RBBP8: variants seen among roughly 807,000 people sequenced by gnomAD.
RBBP8 encodes the protein DNA endonuclease RBBP8.
Under a neutral mutation model 108.3 loss-of-function variants are expected in RBBP8, and 88 were observed. The observed-to-expected ratio is 0.81, with a 90% confidence interval of 0.68 to 0.97. The LOEUF is 0.97. RBBP8 is among the 50% of genes least tolerant of loss of function. The probability of loss-of-function intolerance (pLI) is 0.00; values close to 1 mark genes in which losing one functional copy is unlikely to be tolerated. For missense variants in RBBP8, 1,023 were observed against 1,049.0 expected (o/e 0.98, Z 0.34); for synonymous variants, 332 against 348.2 (o/e 0.95, Z 0.52).
In RBBP8 at chr18:22,962,535, C is replaced by T. The variant is rs143989029; in HGVS notation, c.249-6271C>T. On this transcript the variant is annotated intron_variant, in intron 4 of 18. Coordinates refer to ENST00000327155, the MANE Select transcript of RBBP8 (RefSeq NM_002894.3). ...CTGTGATTTGTTTCCTCCCAAAGCACGTATCACCTTGTTTTTTTTTCCTTT... is the reference window on the plus strand; with the variant it reads ...CTGTGATTTGTTTCCTCCCAAAGCATGTATCACCTTGTTTTTTTTTCCTTT... 3.6e-3 allele frequency among the ~76,000 whole-genome samples: 546 copies of T among 152,108 alleles called. 2 individuals carry two copies. The highest frequency in any genetic ancestry group is 0.013 in the African/African-American group (520 of 41,516).
At chr18:23,002,969 A>G (rs752583255) in intron 15 of RBBP8, among the ~76,000 whole-genome samples, 4 of 152,138 alleles carry the variant, frequency 2.6e-5, no homozygotes, top group Non-Finnish European at 5.9e-5. Flanking sequence ...GAAAAAGACT[A>G]TTTTTCGCAA....
intron 12 of RBBP8, among the ~76,000 whole-genome samples, chr18:22,995,048 T>G (rs889865305): frequency 6.6e-6 from 1 of 151,742 alleles, no homozygotes; most frequent in African/African-American, 2.4e-5. Context: ...AAAAAGTAAT[T>G]TTTTTTTTCA....
intron 17 of RBBP8, among the ~76,000 whole-genome samples, chr18:23,019,426 T>C (rs970459546): frequency 7.2e-5 from 11 of 152,206 alleles, no homozygotes; most frequent in Non-Finnish European, 1.5e-4. Context: ...GCCAGTCCCA[T>C]GTACTTAAAT....
chr18:22,926,715 G>A (rs1319978832), intron 3 of RBBP8, among the ~76,000 whole-genome samples: 1 of 152,218 alleles, frequency 6.6e-6, no homozygotes, highest in South Asian at 2.1e-4. Flanking sequence ...TGTAGCTAGA[G>A]TGAAGATCAA....
intron 15 of RBBP8, among the ~76,000 whole-genome samples, chr18:23,004,253 A>G (rs2045999886): frequency 6.6e-6 from 1 of 151,736 alleles, no homozygotes; most frequent in African/African-American, 2.4e-5. Context: ...AAAGAAAATG[A>G]TATATAGCTA....
rs757294026 is a variant in RBBP8, at chr18:22,993,828, G to A, written c.1920G>A (p.Lys640=). 1.2e-6 allele frequency: 2 copies of A among 1,613,258 alleles called. No homozygotes were observed. Among genetic ancestry groups the A allele is most frequent in the East Asian group, 4.5e-5 (2 of 44,846 alleles). The change falls in exon 12 of 19, where the codon AAG becomes AAA. Residue 640 remains lysine, a synonymous_variant. Coordinates refer to ENST00000327155, the MANE Select transcript of RBBP8 (RefSeq NM_002894.3). ...ATCCATGTAGAACTGGTAAAATAAA[G>A]TCTCTACAAAACAACCAAGGTGTGT... ...QLNPCRTGKI[K]SLQNNQDVSF...
At chr18:23,011,593 C>T (rs1296305094) in intron 16 of RBBP8, among the ~76,000 whole-genome samples, 1 of 152,096 alleles carries the variant, frequency 6.6e-6, no homozygotes, top group Non-Finnish European at 1.5e-5. Flanking sequence ...CCCGCCACCA[C>T]GCCTGGCTAA....
At chr18:23,022,656 A>AATAAAATAAATAAAGTACAAT (rs2046382647) in intron 18 of RBBP8, among the ~76,000 whole-genome samples, 1 of 72,380 alleles carries the variant, frequency 1.4e-5, no homozygotes, top group African/African-American at 3.3e-5. Flanking sequence ...TACAATATAA[A>AATAAAATAAATAAAGTACAAT]ATAAAATAAA....
chr18:22,922,397 C>A (rs955477366), intron 3 of RBBP8, among the ~76,000 whole-genome samples: 1 of 151,988 alleles, frequency 6.6e-6, no homozygotes. Context: ...GAAGAGTGCA[C>A]AGCAAATACA....
At chr18:22,968,779 T>A (rs778756620) in intron 4 of RBBP8, 27 bp from the exon 5 acceptor site, 1 of 1,580,058 alleles carries the variant, frequency 6.3e-7, no homozygotes, top group Non-Finnish European at 8.7e-7. Flanking sequence ...TTTTAGTGGA[T>A]GAAAAATACC....
chr18:22,972,159 G>C (rs1172369617), intron 5 of RBBP8, among the ~76,000 whole-genome samples: 1 of 149,288 alleles, frequency 6.7e-6, no homozygotes, highest in African/African-American at 2.4e-5. Flanking sequence ...TTCAAGACCA[G>C]CCTGGCCAAG....
chr18:22,967,678 G>C (rs138180034), intron 4 of RBBP8, among the ~76,000 whole-genome samples: 10,007 of 139,214 alleles, frequency 0.072, 387 homozygotes, highest in Middle Eastern at 0.14. Flanking sequence ...ACGGAGTCTC[G>C]CTTTGTCACC....
intron 3 of RBBP8, among the ~76,000 whole-genome samples, chr18:22,918,783 A>T (rs1042473286): frequency 1.3e-5 from 2 of 151,978 alleles, no homozygotes; most frequent in African/African-American, 2.4e-5. Flanking sequence ...TAATTTTTTT[A>T]AAAATTTTTT....
intron 15 of RBBP8, among the ~76,000 whole-genome samples, chr18:23,002,917 T>TC (rs1193909431): frequency 1.3e-5 from 2 of 152,126 alleles, no homozygotes; most frequent in East Asian, 1.9e-4. Context: ...GTATCCTTTT[T>TC]CCCCCCAAGA....
At chr18:22,956,763 A>G (rs1234584752) in intron 4 of RBBP8, among the ~76,000 whole-genome samples, 1 of 152,250 alleles carries the variant, frequency 6.6e-6, no homozygotes, top group Non-Finnish European at 1.5e-5. Flanking sequence ...AGTAAATTAG[A>G]TAATAAAAAG....
chr18:22,920,009 C>A (rs12967547), intron 3 of RBBP8, among the ~76,000 whole-genome samples: 1 of 151,638 alleles, frequency 6.6e-6, no homozygotes, highest in East Asian at 1.9e-4. Context: ...AGGAAAAAAA[C>A]AAAAATTTTA....
rs1173773402 is a variant in RBBP8, at chr18:22,993,083, A to G, written c.1256A>G (p.Gln419Arg). 1.2e-6 allele frequency: 2 copies of G among 1,613,822 alleles called. No homozygotes were observed. Among genetic ancestry groups the G allele is most frequent in the Non-Finnish European group, 8.5e-7 (1 of 1,179,796 alleles). The change falls in exon 11 of 19, where the codon CAG (glutamine) becomes CGG (arginine). Residue 419 changes from glutamine (Q) to arginine (R), a missense_variant. Transcript: ENST00000327155. ...AATATAAGTGAATCCCTAGGTGAAC[A>G]GAATAGGACTGAGTACGGTAAAGAT... is the stretch of plus-strand genomic sequence containing the variant. ...NKNISESLGE[Q>R]NRTEYGKDSN...
At chr18:22,945,324 T>G (rs954273918) in intron 2 of RBBP8, among the ~76,000 whole-genome samples, 2 of 152,154 alleles carry the variant, frequency 1.3e-5, no homozygotes, top group Admixed American at 6.6e-5. Context: ...ATTTTCTAGT[T>G]TTTTACTATT....
Position 22,984,912 on chromosome 18 carries a change from A to T in RBBP8, c.631A>T (p.Thr211Ser), listed in dbSNP as rs200894211. 6.2e-7 allele frequency: 1 copy of T among 1,608,598 alleles called. No homozygotes were observed. Among genetic ancestry groups the T allele is most frequent in the East Asian group, 2.2e-5 (1 of 44,608 alleles). ...AATGAGAAAAGTTTCCAAGTCTTCA[A>T]CTCATCCACAACATAATCCTAATGA... ...NEMRKVSKSS[T>S]HPQHNPNENE... is the part of the protein sequence containing the mutation. Residue 211 changes from threonine (T) to serine (S), a missense_variant, in exon 8 of 19, where the codon ACT (threonine) becomes TCT (serine). Coordinates refer to ENST00000327155, the MANE Select transcript of RBBP8 (RefSeq NM_002894.3).
Sources: allele counts gnomAD v4.1 joint callset (sites outside exome capture counted in the v4.1 genomes callset), GRCh38; gene constraint gnomAD v4.1.1; transcripts MANE v1.5; gene names NCBI Gene and HGNC (gene_info 2026-07-23, HGNC 2026-07-21).